The following DCAF8L2 variants were observed in gnomAD, a reference collection of about 807,000 sequenced individuals.
DCAF8L2 encodes DDB1- and CUL4-associated factor 8-like protein 2.
For synonymous variants in DCAF8L2, 200 were observed against 190.9 expected (o/e 1.05, Z -0.39); for missense variants, 430 against 490.7 (o/e 0.88, Z 1.17).
chrX:27,530,000 A>G, the DCAF8L2 span, among the ~76,000 whole-genome samples: 2 of 112,064 alleles, frequency 1.8e-5, no homozygotes, highest in East Asian at 5.7e-4. Context: ...AGCTTAGTGA[A>G]ATTAAATAGA....
intron 4 of DCAF8L2, among the ~76,000 whole-genome samples, chrX:27,724,388 C>T (rs913932517): frequency 9.0e-6 from 1 of 110,735 alleles, no homozygotes; most frequent in Non-Finnish European, 1.9e-5. Context: ...AATTAATAAA[C>T]GTTAATTATT....
At chrX:27,564,509 C>G in the DCAF8L2 span, among the ~76,000 whole-genome samples, 3 of 94,166 alleles carry the variant, frequency 3.2e-5, no homozygotes, top group African/African-American at 1.2e-4. Context: ...CTCTCTTTCT[C>G]TCTTACACAC....
chrX:27,559,112 A>C, the DCAF8L2 span, among the ~76,000 whole-genome samples: 1 of 110,779 alleles, frequency 9.0e-6, no homozygotes, highest in African/African-American at 3.3e-5. Flanking sequence ...GGCCTCCCCC[A>C]GCCATGCCTC....
the DCAF8L2 span, among the ~76,000 whole-genome samples, chrX:27,489,774 G>T: frequency 1.6e-4 from 18 of 112,357 alleles, no homozygotes; most frequent in African/African-American, 5.2e-4. Context: ...CAGTGTGGAA[G>T]GGCTACTGTG....
At chrX:27,736,992 T>G (rs1188638265) in intron 4 of DCAF8L2, among the ~76,000 whole-genome samples, 1 of 111,946 alleles carries the variant, frequency 8.9e-6, no homozygotes, top group African/African-American at 3.2e-5. Flanking sequence ...GGCAAAATTG[T>G]AAAACAATGC....
At chrX:27,579,635 C>CACACAT in the DCAF8L2 span, among the ~76,000 whole-genome samples, 1 of 108,383 alleles carries the variant, frequency 9.2e-6, no homozygotes, top group African/African-American at 3.4e-5. Flanking sequence ...CACACACACA[C>CACACAT]ACACACACAC....
Position 27,747,619 on chromosome X carries a change from C to T in DCAF8L2, c.724C>T (p.Arg242Trp), listed in dbSNP as rs184808826. 1.1e-4 allele frequency: 130 copies of T among 1,203,551 alleles called. No homozygotes were observed. The African/African-American group carries it at 2.0e-3, about 19-fold the overall frequency. The change falls in exon 5 of 5, where the codon CGG becomes TGG. Residue 242 changes from arginine to tryptophan, a missense_variant. Transcript: ENST00000451261. Reference protein sequence around the residue: ...NTVHFNQRGTRLASSGDDLKV... With the variant: ...NTVHFNQRGTWLASSGDDLKV... ...TGTACACTTTAACCAGCGTGGCACC[C>T]GGCTGGCCAGTAGCGGTGATGACCT... is the stretch of plus-strand genomic sequence containing the variant.
intron 4 of DCAF8L2, among the ~76,000 whole-genome samples, chrX:27,727,137 T>G (rs1443858160): frequency 8.9e-6 from 1 of 112,062 alleles, no homozygotes; most frequent in East Asian, 2.8e-4. Flanking sequence ...TTTCCCTGGT[T>G]AATAAACAGG....
At chrX:27,498,021 T>G in the DCAF8L2 span, among the ~76,000 whole-genome samples, 1 of 112,681 alleles carries the variant, frequency 8.9e-6, no homozygotes, top group Non-Finnish European at 1.9e-5. Flanking sequence ...AGCTAAATAC[T>G]ATTCCATTGT....
Position 27,747,081 on chromosome X carries a change from C to T in DCAF8L2, c.186C>T (p.Phe62=), listed in dbSNP as rs1602822970. ...GCAGTGATAGCAGGGATGGTGGATTCCCCAACGATGCCAGCACAGAAAATC... is the reference window on the plus strand; with the variant it reads ...GCAGTGATAGCAGGGATGGTGGATTTCCCAACGATGCCAGCACAGAAAATC... The part of the protein sequence containing the change: ...GDGSDSRDGG[F]PNDASTENRS... The change falls in exon 5 of 5, where the codon TTC becomes TTT. Residue 62 remains phenylalanine, a synonymous_variant. Transcript: ENST00000451261. 1.7e-6 allele frequency: 2 copies of T among 1,166,194 alleles called. No individual in the cohort carries two copies. Among genetic ancestry groups the T allele is most frequent in the East Asian group, 6.5e-5 (2 of 30,753 alleles).
At chrX:27,598,053 A>C (rs1355330447) in intron 1 of DCAF8L2, among the ~76,000 whole-genome samples, 1 of 112,517 alleles carries the variant, frequency 8.9e-6, no homozygotes, top group Non-Finnish European at 1.9e-5. Flanking sequence ...ATTATTAATT[A>C]TACTATCAAT....
chrX:27,694,791 A>C (rs1453505925), intron 3 of DCAF8L2, among the ~76,000 whole-genome samples: 1 of 111,942 alleles, frequency 8.9e-6, no homozygotes, highest in African/African-American at 3.2e-5. Context: ...GGAGATAGTC[A>C]TATACATTAT....
the DCAF8L2 span, among the ~76,000 whole-genome samples, chrX:27,516,074 T>C: frequency 8.9e-6 from 1 of 112,352 alleles, no homozygotes; most frequent in Non-Finnish European, 1.9e-5. Flanking sequence ...TGAAAATGTT[T>C]AATAAAATGG....
intron 1 of DCAF8L2, among the ~76,000 whole-genome samples, chrX:27,607,791 C>T (rs1926975968): frequency 1.8e-5 from 2 of 111,833 alleles, no homozygotes; most frequent in South Asian, 7.4e-4. Flanking sequence ...TTTTCCAAGA[C>T]CTATTTCTTT....
At chrX:27,732,667 G>A (rs1039416752) in intron 4 of DCAF8L2, among the ~76,000 whole-genome samples, 2 of 110,709 alleles carry the variant, frequency 1.8e-5, no homozygotes, top group African/African-American at 6.6e-5. Context: ...CCATATCTTG[G>A]ATACTATGAA....
chrX:27,738,964 C>G (rs976544485), intron 4 of DCAF8L2, among the ~76,000 whole-genome samples: 2 of 111,164 alleles, frequency 1.8e-5, no homozygotes, highest in Admixed American at 9.6e-5. Context: ...TGCTACAACC[C>G]CTCCACCTGT....
intron 1 of DCAF8L2, among the ~76,000 whole-genome samples, chrX:27,622,408 G>A (rs1927818754): frequency 9.2e-6 from 1 of 108,907 alleles, no homozygotes; most frequent in African/African-American, 3.4e-5. Flanking sequence ...CTGGGCGACT[G>A]AGCGAGACTC....
At chrX:27,604,440 G>A (rs1926785297) in intron 1 of DCAF8L2, among the ~76,000 whole-genome samples, 1 of 111,079 alleles carries the variant, frequency 9.0e-6, no homozygotes, top group African/African-American at 3.3e-5. Context: ...AGCTGTTACT[G>A]TCTCTTCATA....
the DCAF8L2 span, among the ~76,000 whole-genome samples, chrX:27,524,508 G>GT: frequency 9.8e-4 from 107 of 109,564 alleles, no homozygotes; most frequent in Non-Finnish European, 1.6e-3. Context: ...TTTTTGAAGG[G>GT]TTTTTTGTGT....
Sources: allele counts gnomAD v4.1 joint callset (sites outside exome capture counted in the v4.1 genomes callset), GRCh38; gene constraint gnomAD v4.1.1; transcripts MANE v1.5; gene names NCBI Gene and HGNC (gene_info 2026-07-23, HGNC 2026-07-21).